ZNF99: variants seen among roughly 807,000 people sequenced by gnomAD.
ZNF99 encodes zinc finger protein 99.
In ZNF99, 8 loss-of-function variants were observed where a neutral mutation model predicts 12.8. The observed-to-expected ratio is 0.62, with a 90% CI of 0.37 to 1.13. The LOEUF is 1.13. Among genes scored for constraint, ZNF99 ranks in the 50% most tolerant of loss-of-function variants. ZNF99 has a pLI of 0.02. For missense variants in ZNF99, 1,007 were observed against 1,006.2 expected, an observed-to-expected ratio of 1.00 and a Z score of -0.01; for synonymous variants, 318 against 319.0, an observed-to-expected ratio of 1.00 and a Z score of 0.03.
intron 1 of ZNF99, among the ~76,000 whole-genome samples, chr19:22,781,473 C>A (rs1973387696): frequency 1.3e-5 from 1 of 76,176 alleles, no homozygotes; most frequent in African/African-American, 5.2e-5. Context: ...CACTATTTTT[C>A]TTTCACTATT....
intron 1 of ZNF99, among the ~76,000 whole-genome samples, chr19:22,776,408 G>GATAT (rs55638958): frequency 4.3e-5 from 3 of 69,644 alleles, no homozygotes; most frequent in Admixed American, 1.9e-4. Context: ...TCCAAAATAA[G>GATAT]ATATATATAT....
intron 2 of ZNF99, 40 bp downstream of exon 2, chr19:22,769,158 T>G (rs765697827): frequency 1.6e-5 from 26 of 1,580,028 alleles, no homozygotes; most frequent in Non-Finnish European, 2.2e-5. Context: ...ATGAAACCTA[T>G]AGAATATAAT....
At chr19:22,772,151 C>T (rs1052415288) in intron 1 of ZNF99, among the ~76,000 whole-genome samples, 1 of 151,986 alleles carries the variant, frequency 6.6e-6, no homozygotes. Flanking sequence ...GAAATATATA[C>T]TTGATTAGCA....
At chr19:22,770,210 C>T (rs1031562206) in intron 1 of ZNF99, among the ~76,000 whole-genome samples, 3 of 152,100 alleles carry the variant, frequency 2.0e-5, no homozygotes, top group Non-Finnish European at 4.4e-5. Context: ...GACGAGAGCC[C>T]TCATTTTCCA....
rs756801727 is a variant in ZNF99 at position 22,757,975 on chromosome 19, C to A, written c.1934G>T (p.Gly645Val). ...TLRKHEIIHTGEKPYKCEECG... is the reference protein window; with the variant it reads ...TLRKHEIIHTVEKPYKCEECG... ...TTCTTCACATTTGTAGGGTTTCTCT[C>A]CAGTATGAATTATCTCATGTTTTCT... The change falls in exon 4 of 4, where the codon GGA becomes GTA. Residue 645 changes from glycine (G) to valine (V), a missense_variant. Physicochemically the swap from Gly to Val is moderately radical, Grantham distance 109. Transcript: ENST00000596209. The A allele has an allele frequency of 2.5e-6, 4 of 1,612,850 alleles. 1 individual carries two copies. In the South Asian group the frequency reaches 4.4e-5, roughly 18 times the overall value.
At chr19:22,774,490 A>G (rs1163887148) in intron 1 of ZNF99, 1 of 152,174 alleles carries the variant, frequency 6.6e-6, no homozygotes, top group African/African-American at 2.4e-5. Flanking sequence ...ATAGCTAACT[A>G]AAGAGCTATT....
Position 22,757,101 on chromosome 19 carries a change from C to G in ZNF99, c.*213G>C. On this transcript the variant is annotated 3_prime_UTR_variant, in exon 4 of 4. Transcript: ENST00000596209. ...TTAAGGGTTGAGGAATTGTTAAAAG[C>G]TTTTCCACATTCTCCACATTTGTAG... The G allele has an allele frequency of 1.9e-6, 3 of 1,612,484 alleles. No individual in the cohort carries two copies. The highest frequency in any genetic ancestry group is 2.5e-6 in the Non-Finnish European group (3 of 1,179,040).
At chr19:22,760,415 C>T (rs182999743) in intron 3 of ZNF99, among the ~76,000 whole-genome samples, 2 of 152,138 alleles carry the variant, frequency 1.3e-5, no homozygotes, top group Non-Finnish European at 2.9e-5. Flanking sequence ...TTTCTCATGA[C>T]ACAAAGTACT....
chr19:22,771,043 A>T (rs1973263013), intron 1 of ZNF99: 1 of 150,546 alleles, frequency 6.6e-6, no homozygotes, highest in South Asian at 2.1e-4. Flanking sequence ...GGTTCAAGCG[A>T]TTCTCCTGCC....
intron 1 of ZNF99, among the ~76,000 whole-genome samples, chr19:22,782,775 G>T (rs953967484): frequency 1.1e-4 from 17 of 148,406 alleles, no homozygotes; most frequent in Non-Finnish European, 2.2e-4. Context: ...GGGTTCAAGC[G>T]ATTATCTGCC....
At chr19:22,776,912 G>A (rs1035679323) in intron 1 of ZNF99, among the ~76,000 whole-genome samples, 1 of 152,094 alleles carries the variant, frequency 6.6e-6, no homozygotes, top group Admixed American at 6.6e-5. Context: ...CTGGGAGGCT[G>A]AGGCAGGTAA....
At chr19:22,764,662 C>G (rs1973186017) in intron 3 of ZNF99, among the ~76,000 whole-genome samples, 1 of 151,748 alleles carries the variant, frequency 6.6e-6, no homozygotes, top group South Asian at 2.1e-4. Context: ...CCCATCAAAA[C>G]TGAGCTAAGG....
At chr19:22,778,528 TG>T in intron 1 of ZNF99, among the ~76,000 whole-genome samples, 1 of 152,272 alleles carries the variant, frequency 6.6e-6, no homozygotes, top group African/African-American at 2.4e-5. Context: ...ACAAACCCCA[TG>T]GGCCCATCTT....
In ZNF99 at chr19:22,753,837, G is replaced by A; in HGVS notation, c.*3477C>T. The A allele has an allele frequency of 3.3e-6, 1 of 300,472 alleles. No homozygotes were observed. The highest frequency in any genetic ancestry group is 8.2e-5 in the East Asian group (1 of 12,214). 18.6% of individuals were successfully genotyped at this position (300,472 alleles called of 1,614,324 possible). ...TCCTATGCGATAAGGTGTGAGTATT[G>A]GTTAAATATTTTGCCACATTCTTCA... On this transcript the variant is annotated 3_prime_UTR_variant, in exon 4 of 4. Transcript: ENST00000596209.
chr19:22,779,932 A>G (rs749580777), intron 1 of ZNF99, among the ~76,000 whole-genome samples: 1 of 152,106 alleles, frequency 6.6e-6, no homozygotes, highest in Non-Finnish European at 1.5e-5. Flanking sequence ...TTATTTTACA[A>G]AGTCTAGAAA....
At chr19:22,778,689 G>A (rs953457090) in intron 1 of ZNF99, among the ~76,000 whole-genome samples, 1 of 152,130 alleles carries the variant, frequency 6.6e-6, no homozygotes, top group Non-Finnish European at 1.5e-5. Context: ...AAGTCAAATG[G>A]AAGAAATGTA....
intron 1 of ZNF99, among the ~76,000 whole-genome samples, chr19:22,782,095 A>C (rs1454924215): frequency 6.6e-6 from 1 of 152,228 alleles, no homozygotes; most frequent in African/African-American, 2.4e-5. Context: ...AATAAAATAC[A>C]GTATCAAAAT....
intron 3 of ZNF99, among the ~76,000 whole-genome samples, chr19:22,763,246 C>T (rs1231190451): frequency 2.0e-5 from 3 of 152,150 alleles, no homozygotes; most frequent in Non-Finnish European, 4.4e-5. Context: ...CTAGACTTTT[C>T]AAGAAAGCTC....
intron 3 of ZNF99, among the ~76,000 whole-genome samples, chr19:22,766,738 G>A (rs1276277073): frequency 4.7e-5 from 7 of 149,500 alleles, no homozygotes; most frequent in African/African-American, 1.5e-4. Flanking sequence ...CACAACCTCC[G>A]CCTCCCGGGT....
Sources: gnomAD v4.1 joint callset for allele counts (sites outside exome capture counted in the v4.1 genomes callset) on GRCh38, gnomAD v4.1.1 for gene constraint, MANE v1.5 for transcripts, NCBI Gene and HGNC (gene_info 2026-07-23, HGNC 2026-07-21) for gene names.